The following EPHA6 variants were observed in gnomAD, a reference collection of about 807,000 sequenced individuals.
EPHA6 encodes the protein EPH receptor A6.
A neutral mutation model predicts 112.0 loss-of-function variants in EPHA6; 50 were observed. That is an observed-to-expected ratio of 0.45 (90% CI 0.36 to 0.56). The LOEUF is 0.56. EPHA6 is among the 20% of genes least tolerant of loss of function. EPHA6 has a pLI of 0.00. For missense variants in EPHA6, 1,280 were observed against 1,417.4 expected, an observed-to-expected ratio of 0.90 and a Z score of 1.56; for synonymous variants, 529 against 490.7, an observed-to-expected ratio of 1.08 and a Z score of -1.03.
intron 3 of EPHA6, among the ~76,000 whole-genome samples, chr3:97,027,077 G>T (rs2044665096): frequency 6.6e-6 from 1 of 152,102 alleles, no homozygotes; most frequent in Non-Finnish European, 1.5e-5. Flanking sequence ...AGAAAACGTG[G>T]TACATGTACA....
chr3:97,232,914 A>T (rs1359563956), intron 4 of EPHA6, among the ~76,000 whole-genome samples: 1 of 152,100 alleles, frequency 6.6e-6, no homozygotes, highest in Non-Finnish European at 1.5e-5. Context: ...AGTTATGCAC[A>T]TGTTCACTGG....
intron 14 of EPHA6, among the ~76,000 whole-genome samples, chr3:97,693,655 AAAAT>A (rs1659335337): frequency 1.3e-5 from 2 of 152,168 alleles, no homozygotes; most frequent in South Asian, 4.2e-4. Flanking sequence ...AAAATACAAA[AAAAT>A]TAGCCGGGCA....
rs1281639444 is a variant in EPHA6, at chr3:97,235,561, A to G, written c.1271-8391A>G. Among the ~76,000 whole-genome samples the G allele has an allele frequency of 2.6e-5, 4 of 152,104 alleles. No individual in the cohort carries two copies. The East Asian group carries it at 7.7e-4, about 29-fold the overall frequency. On this transcript the variant is annotated intron_variant, in intron 4 of 17. Coordinates refer to ENST00000389672, the MANE Select transcript of EPHA6 (RefSeq NM_001080448.3). ...AACTTTCCTTTGGGTTAATTTAACA[A>G]TCTCCTAGCAACTCTCCTTCCTTTA...
intron 5 of EPHA6, among the ~76,000 whole-genome samples, chr3:97,267,587 T>C (rs1459376466): frequency 6.6e-6 from 1 of 152,196 alleles, no homozygotes; most frequent in African/African-American, 2.4e-5. Context: ...TTGCTATCTC[T>C]TTCCATTTTA....
chr3:96,859,132 C>CATTG (rs2035863817), intron 1 of EPHA6, among the ~76,000 whole-genome samples: 1 of 151,698 alleles, frequency 6.6e-6, no homozygotes, highest in Non-Finnish European at 1.5e-5. Context: ...CTCATTCATT[C>CATTG]ATTTTCTTCA....
In EPHA6 at chr3:96,985,830, C is replaced by T. The variant is rs539884435; in HGVS notation, c.451-1500C>T. ...AGTGCTGTATACTGAGGAAAATAGG[C>T]ATTCTGTTAGAAACTATACTATACT... On this transcript the variant is annotated intron_variant, in intron 2 of 17. Coordinates refer to ENST00000389672, the MANE Select transcript of EPHA6 (RefSeq NM_001080448.3). 2.4e-3 allele frequency among the ~76,000 whole-genome samples: 371 copies of T among 152,222 alleles called. 2 individuals carry two copies. The highest frequency in any genetic ancestry group is 8.4e-3 in the African/African-American group (350 of 41,558).
chr3:97,646,581 G>A (rs1200133913), intron 14 of EPHA6, among the ~76,000 whole-genome samples: 1 of 151,994 alleles, frequency 6.6e-6, no homozygotes, highest in African/African-American at 2.4e-5. Flanking sequence ...AAACAGCTTC[G>A]CTAATTATCA....
At chr3:97,607,353 A>T (rs1195308744) in intron 12 of EPHA6, among the ~76,000 whole-genome samples, 1 of 151,172 alleles carries the variant, frequency 6.6e-6, no homozygotes, top group African/African-American at 2.4e-5. Flanking sequence ...CATCATAAGT[A>T]TTAGGGAACA....
Position 97,434,432 on chromosome 3 carries a change from G to T in EPHA6, c.1732-14136G>T, listed in dbSNP as rs138019483. Among the ~76,000 whole-genome samples, 350 of 152,046 alleles carry T rather than the reference G, an allele frequency of 2.3e-3. 2 individuals carry two copies. The highest frequency in any genetic ancestry group is 0.014 in the East Asian group (71 of 5,158). ...TGTAAACTTTCAATTGATTTATTTT[G>T]ACTAATTTGACATGTCATTTCAGGC... On this transcript the variant is annotated intron_variant, in intron 6 of 17. Coordinates refer to ENST00000389672, the MANE Select transcript of EPHA6 (RefSeq NM_001080448.3).
Position 97,756,518 on chromosome 3 carries a change from G to A in EPHA6, c.*7817G>A. ...CTGCATGGAAAGTAAGGTTTAATGT[G>A]TATAAATGTTTGTCATTGAAGTTTG... is the stretch of plus-strand genomic sequence containing the variant. On this transcript the variant is annotated 3_prime_UTR_variant, in exon 18 of 18. Transcript: ENST00000389672. 6.6e-6 allele frequency among the ~76,000 whole-genome samples: 1 copy of A among 151,884 alleles called. No individual in the cohort carries two copies. Among genetic ancestry groups the A allele is most frequent in the South Asian group, 2.1e-4 (1 of 4,828 alleles).
intron 5 of EPHA6, among the ~76,000 whole-genome samples, chr3:97,313,597 T>G (rs553103320): frequency 6.6e-6 from 1 of 151,704 alleles, no homozygotes. Context: ...TGAGGTGATA[T>G]CTCTTTGTGA....
At chr3:97,064,675 C>T (rs951406071) in intron 3 of EPHA6, among the ~76,000 whole-genome samples, 4 of 152,050 alleles carry the variant, frequency 2.6e-5, no homozygotes, top group South Asian at 4.1e-4. Context: ...TTATTAGTGC[C>T]GTTTAGAGGT....
At chr3:97,729,606 A>G (rs1158171637) in intron 15 of EPHA6, among the ~76,000 whole-genome samples, 1 of 152,140 alleles carries the variant, frequency 6.6e-6, no homozygotes, top group Non-Finnish European at 1.5e-5. Flanking sequence ...CTACAGTACA[A>G]GATGAGATTT....
intron 2 of EPHA6, among the ~76,000 whole-genome samples, chr3:96,955,184 G>A (rs544867820): frequency 9.2e-5 from 14 of 152,184 alleles, no homozygotes; most frequent in African/African-American, 3.1e-4. Flanking sequence ...GTTTCTAATA[G>A]TAGAAATGCT....
intron 3 of EPHA6, among the ~76,000 whole-genome samples, chr3:97,076,368 G>A (rs77390571): frequency 0.014 from 2,107 of 152,238 alleles, 40 homozygotes; most frequent in African/African-American, 0.047. Flanking sequence ...ATTCCGTTAA[G>A]CCAAAACCTA....
chr3:96,991,679 C>A (rs1188005667), intron 3 of EPHA6, among the ~76,000 whole-genome samples: 1 of 152,140 alleles, frequency 6.6e-6, no homozygotes, highest in Non-Finnish European at 1.5e-5. Context: ...CCCACACCCT[C>A]CCAAAGGTTT....
chr3:97,668,537 C>G (rs1576246602), intron 14 of EPHA6, among the ~76,000 whole-genome samples: 1 of 152,264 alleles, frequency 6.6e-6, no homozygotes, highest in East Asian at 1.9e-4. Flanking sequence ...AGAAGTATCT[C>G]TGAAATATTT....
chr3:97,475,830 A>G (rs1231988500), intron 8 of EPHA6, among the ~76,000 whole-genome samples: 1 of 152,194 alleles, frequency 6.6e-6, no homozygotes, highest in Non-Finnish European at 1.5e-5. Flanking sequence ...TTATAGAAAT[A>G]TAATATTTTG....
At chr3:97,298,616 A>G (rs1195734603) in intron 5 of EPHA6, among the ~76,000 whole-genome samples, 1 of 152,174 alleles carries the variant, frequency 6.6e-6, no homozygotes, top group African/African-American at 2.4e-5. Context: ...TTCAATCTTA[A>G]TTACCAAATA....
Sources: allele counts gnomAD v4.1 joint callset (sites outside exome capture counted in the v4.1 genomes callset), GRCh38; gene constraint gnomAD v4.1.1; transcripts MANE v1.5; gene names NCBI Gene and HGNC (gene_info 2026-07-23, HGNC 2026-07-21).